Variants in HDAC2 observed in about 807,000 individuals in gnomAD.
HDAC2 encodes histone deacetylase 2, also known as YY1-associated factor 1.
In HDAC2, 5 loss-of-function variants were observed where a neutral mutation model predicts 68.5. The ratio of observed to expected loss-of-function variants is 0.07; its 90% CI spans 0.04 to 0.15. The LOEUF is 0.15. HDAC2 is among the 10% of genes least tolerant of loss of function. HDAC2 has a pLI of 1.00. For synonymous variants in HDAC2, 182 were observed against 191.3 expected, an observed-to-expected ratio of 0.95 and a Z score of 0.40; for missense variants, 291 against 600.8, an observed-to-expected ratio of 0.48 and a Z score of 5.39.
intron 6 of HDAC2, among the ~76,000 whole-genome samples, chr6:113,950,060 C>T (rs187301315): frequency 4.9e-4 from 74 of 152,226 alleles, no homozygotes; most frequent in Non-Finnish European, 2.9e-5. Context: ...GGATTACAGG[C>T]GTGAGCTATG....
intron 1 of HDAC2, 63 bp downstream of exon 1, chr6:113,970,794 G>A: frequency 6.9e-7 from 1 of 1,449,066 alleles, no homozygotes; most frequent in Non-Finnish European, 9.0e-7. Context: ...CACTCGCGAC[G>A]GCAGCCGCGG....
rs184982628 is a variant in HDAC2, at chr6:113,944,353, T to G, written c.1149A>C (p.Gln383His). Residue 383 changes from glutamine to histidine, a missense_variant, in exon 11 of 14, where the codon CAA (glutamine) becomes CAC (histidine). Coordinates refer to ENST00000519065, the MANE Select transcript of HDAC2 (RefSeq NM_001527.4). Reference sequence around the variant, plus strand: ...CATGAACAGCATCTTCTGGAATAGCTTGCATCTGGACACCAGGTGCATGAG... The same window carrying G: ...CATGAACAGCATCTTCTGGAATAGCGTGCATCTGGACACCAGGTGCATGAG... ...MLPHAPGVQMQAIPEDAVHED... is the reference protein window; with the variant it reads ...MLPHAPGVQMHAIPEDAVHED... 7.0e-4 allele frequency: 1,131 copies of G among 1,612,516 alleles called. No individual in the cohort carries two copies. The highest frequency in any genetic ancestry group is 1.2e-3 in the Admixed American group (71 of 60,000).
At chr6:113,955,816 T>C (rs1776539789) in intron 5 of HDAC2, 197 bp downstream of exon 5, 1 of 509,816 alleles carries the variant, frequency 2.0e-6, no homozygotes, top group Admixed American at 3.8e-5. Flanking sequence ...TGGCCACACT[T>C]CTAAGTCTTA....
rs1409102237 is a variant in HDAC2, at chr6:113,938,323, G to A, written c.*2735C>T. Reference sequence around the variant, plus strand: ...TTGTTCCTCTACTATCTTTAGATATGAGCCTTTTGACCTGGATGAGTTACA... The same window carrying A: ...TTGTTCCTCTACTATCTTTAGATATAAGCCTTTTGACCTGGATGAGTTACA... On this transcript the variant is annotated 3_prime_UTR_variant, in exon 14 of 14. Transcript: ENST00000519065. 11 of 152,004 alleles carry A rather than the reference G, an allele frequency of 7.2e-5. No homozygotes were observed. The highest frequency in any genetic ancestry group is 5.9e-4 in the Admixed American group (9 of 15,260). 9.4% of individuals were successfully genotyped at this position (152,004 alleles called of 1,614,324 possible). A position where few individuals can be genotyped will look rare whatever the true frequency, so the allele number is the denominator to read the frequency against.
rs1775963776 is a variant in HDAC2 at position 113,934,644 on chromosome 6, C to T, written c.*6414G>A. 6.6e-6 allele frequency: 1 copy of T among 152,156 alleles called. No individual in the cohort carries two copies. The highest frequency in any genetic ancestry group is 6.5e-5 in the Admixed American group (1 of 15,270). 9.4% of individuals were successfully genotyped at this position (152,156 alleles called of 1,614,324 possible). On this transcript the variant is annotated 3_prime_UTR_variant, in exon 14 of 14. Coordinates refer to ENST00000519065, the MANE Select transcript of HDAC2 (RefSeq NM_001527.4). ...TAAGATAGATTTACAGAATTTTCTG[C>T]CTAACTCTAGAAATAGGATGGCAGA...
intron 5 of HDAC2, 133 bp downstream of exon 5, chr6:113,955,880 T>G: frequency 1.6e-6 from 1 of 615,940 alleles, no homozygotes; most frequent in Non-Finnish European, 2.6e-6. Flanking sequence ...TTGTAATGAA[T>G]TCATAGAAAA....
At position 113,970,847 on chromosome 6, in the gene HDAC2, G is replaced by T. The variant is rs1184540077; in HGVS notation, c.52+10C>A. The T allele has an allele frequency of 2.6e-6, 4 of 1,537,182 alleles. No individual in the cohort carries two copies. Among genetic ancestry groups the T allele is most frequent in the Non-Finnish European group, 3.5e-6 (4 of 1,144,802 alleles). ...CGCGCGCCCACCCCGACACCGGCCC[G>T]GCCGCTCACCGTCGTAGTAGTAGCA... On this transcript the variant is annotated intron_variant, in intron 1 of 13. Coordinates refer to ENST00000519065, the MANE Select transcript of HDAC2 (RefSeq NM_001527.4).
intron 6 of HDAC2, among the ~76,000 whole-genome samples, chr6:113,952,138 T>C (rs1358701579): frequency 1.3e-5 from 2 of 152,182 alleles, no homozygotes; most frequent in Non-Finnish European, 1.5e-5. Flanking sequence ...AGAATGTGTA[T>C]TTCTAACAAG....
intron 5 of HDAC2, among the ~76,000 whole-genome samples, chr6:113,955,586 T>C (rs1027888216): frequency 1.3e-5 from 2 of 151,848 alleles, no homozygotes; most frequent in African/African-American, 4.8e-5. Context: ...GGCAGGAACA[T>C]GGCTTCCTGC....
At chr6:113,949,697 A>G (rs1379114274) in intron 6 of HDAC2, among the ~76,000 whole-genome samples, 1 of 152,192 alleles carries the variant, frequency 6.6e-6, no homozygotes. Flanking sequence ...GTGGTTCACA[A>G]TCTGTTGGTA....
chr6:113,970,469 G>A (rs1776962589), intron 1 of HDAC2: 1 of 1,081,712 alleles, frequency 9.2e-7, no homozygotes, highest in African/African-American at 1.7e-5. Context: ...CCGACGCGGG[G>A]CACCCCAAAC....
rs1487562485 is a variant in HDAC2 at position 113,958,815 on chromosome 6, T to C, written c.166-49A>G. On this transcript the variant is annotated intron_variant, in intron 2 of 13. Coordinates refer to ENST00000519065, the MANE Select transcript of HDAC2 (RefSeq NM_001527.4). Reference sequence around the variant, plus strand: ...AACTGTGGAATTACAACCGGTTATATCAGTATTATCAAACAAATATACAAA... The same window carrying C: ...AACTGTGGAATTACAACCGGTTATACCAGTATTATCAAACAAATATACAAA... 5 of 1,021,528 alleles carry C rather than the reference T, an allele frequency of 4.9e-6. No individual in the cohort carries two copies. In the African/African-American group the frequency reaches 8.0e-5, roughly 16 times the overall value. The allele number at this position is 1,021,528 out of a possible 1,614,324, so 63.3% of individuals were successfully genotyped here.
chr6:113,941,507 ATATAGT>A (rs757632987), intron 13 of HDAC2, among the ~76,000 whole-genome samples, 195 bp downstream of exon 13: 48 of 152,110 alleles, frequency 3.2e-4, no homozygotes, highest in Non-Finnish European at 6.2e-4. Flanking sequence ...AAACTGACTG[ATATAGT>A]TATACTGATA....
rs914206925 is a variant in HDAC2, at chr6:113,934,112, C to T, written c.*6946G>A. On this transcript the variant is annotated 3_prime_UTR_variant, in exon 14 of 14. Coordinates refer to ENST00000519065, the MANE Select transcript of HDAC2 (RefSeq NM_001527.4). The stretch of plus-strand genomic sequence containing the variant: ...CTAATAAGCCTATCCTATTCAACAA[C>T]CAAGAAATAGATTTCATACCTATTA... 6 of 151,936 alleles carry T rather than the reference C, an allele frequency of 3.9e-5. No individual in the cohort carries two copies. The highest frequency in any genetic ancestry group is 7.4e-5 in the Non-Finnish European group (5 of 67,988). The allele number at this position is 151,936 out of a possible 1,614,324, so 9.4% of individuals were successfully genotyped here. A position where few individuals can be genotyped will look rare whatever the true frequency, so the allele number is the denominator to read the frequency against.
intron 8 of HDAC2, 145 bp from the exon 9 acceptor site, chr6:113,946,293 T>C: frequency 1.6e-6 from 1 of 614,216 alleles, no homozygotes; most frequent in Non-Finnish European, 2.7e-6. Context: ...ATGTAAAAAA[T>C]GTCAAGTCTA....
chr6:113,948,046 T>C (rs1776304554), intron 8 of HDAC2: 1 of 152,202 alleles, frequency 6.6e-6, no homozygotes, highest in East Asian at 1.9e-4. Context: ...TATAATATCT[T>C]ATTAAATAAA....
rs1028441500 is a variant in HDAC2 at position 113,935,912 on chromosome 6, C to T, written c.*5146G>A. 4 of 152,152 alleles carry T rather than the reference C, an allele frequency of 2.6e-5. No individual in the cohort carries two copies. The highest frequency in any genetic ancestry group is 9.7e-5 in the African/African-American group (4 of 41,424). 9.4% of individuals were successfully genotyped at this position (152,152 alleles called of 1,614,324 possible). ...AGCACCCAATGCCCCTGAATATTAA[C>T]TTCACTATAACTATAATTCCTAGAA... On this transcript the variant is annotated 3_prime_UTR_variant, in exon 14 of 14. Transcript: ENST00000519065.
intron 6 of HDAC2, among the ~76,000 whole-genome samples, chr6:113,949,834 C>T (rs534445331): frequency 6.6e-6 from 1 of 151,804 alleles, no homozygotes; most frequent in East Asian, 1.9e-4. Flanking sequence ...AGGCTGGAGG[C>T]GCAATGGCGT....
chr6:113,959,375 C>T (rs537189143), intron 2 of HDAC2, among the ~76,000 whole-genome samples: 11 of 151,900 alleles, frequency 7.2e-5, no homozygotes, highest in African/African-American at 2.4e-4. Context: ...AGCTAATTGT[C>T]GTGTCTGTAT....
Sources: gnomAD v4.1 joint callset for allele counts (sites outside exome capture counted in the v4.1 genomes callset) on GRCh38, gnomAD v4.1.1 for gene constraint, MANE v1.5 for transcripts, NCBI Gene and HGNC (gene_info 2026-07-23, HGNC 2026-07-21) for gene names.